TBC1D5: variants seen among roughly 807,000 people sequenced by gnomAD.
TBC1D5 encodes TBC1 domain family member 5, also known as TBC1 domain family, member 5.
TBC1D5 carries 75 observed loss-of-function variants against 100.3 expected under a neutral mutation model. The ratio of observed to expected loss-of-function variants is 0.75; its 90% CI spans 0.62 to 0.91. TBC1D5 has a LOEUF of 0.91. Ranked by LOEUF, TBC1D5 falls within the 40% of genes least tolerant of loss-of-function variation. TBC1D5 has a pLI of 0.00. For synonymous variants in TBC1D5, 323 were observed against 325.6 expected (o/e 0.99, Z 0.09); for missense variants, 910 against 942.4 (o/e 0.97, Z 0.45).
At chr3:17,403,314 T>A (rs920640949) in intron 7 of TBC1D5, 66 bp from the exon 8 acceptor site, 139 of 1,125,780 alleles carry the variant, frequency 1.2e-4, no homozygotes, top group Non-Finnish European at 1.6e-4. Context: ...TGATTTCAAT[T>A]TAATAATGTA....
chr3:17,619,948 A>G (rs1293225121), intron 2 of TBC1D5, among the ~76,000 whole-genome samples: 1 of 152,212 alleles, frequency 6.6e-6, no homozygotes, highest in Non-Finnish European at 1.5e-5. Context: ...TGCAAATTAA[A>G]TGTACCCAAA....
rs1188480520 is a variant in TBC1D5, at chr3:17,508,595, A to T, written c.-25T>A. ...TTGTGGGAACTGGACAGCGTCACCA[A>T]AAGTAACTACCTGGGAGGTGAAAAA... is the stretch of plus-strand genomic sequence containing the variant. On this transcript the variant is annotated 5_prime_UTR_variant, in exon 3 of 22. In the 5' UTR this introduces an upstream ATG that the reference lacks. Transcript: ENST00000253692. The T allele has an allele frequency of 6.5e-7, 1 of 1,537,864 alleles. No individual in the cohort carries two copies. The highest frequency in any genetic ancestry group is 9.0e-7 in the Non-Finnish European group (1 of 1,111,100).
At chr3:17,481,372 G>C (rs1446448219) in intron 3 of TBC1D5, among the ~76,000 whole-genome samples, 3 of 152,206 alleles carry the variant, frequency 2.0e-5, no homozygotes, top group Non-Finnish European at 4.4e-5. Context: ...CCAAGTGGAT[G>C]GAACAAGTCC....
intron 4 of TBC1D5, among the ~76,000 whole-genome samples, chr3:17,422,566 T>C (rs2094237483): frequency 6.6e-6 from 1 of 152,076 alleles, no homozygotes; most frequent in African/African-American, 2.4e-5. Flanking sequence ...AGAACCCAGA[T>C]TTCTGAATTT....
At chr3:17,678,886 T>C (rs780055665) in intron 1 of TBC1D5, among the ~76,000 whole-genome samples, 4 of 150,354 alleles carry the variant, frequency 2.7e-5, no homozygotes, top group Non-Finnish European at 5.9e-5. Flanking sequence ...AAAAAAAAAG[T>C]GGTGGACAAA....
At chr3:17,672,595 T>A (rs570141994) in intron 1 of TBC1D5, 1 of 152,204 alleles carries the variant, frequency 6.6e-6, no homozygotes, top group Non-Finnish European at 1.5e-5. Context: ...AAGATTTTTA[T>A]GTTTTTTTGT....
intron 2 of TBC1D5, among the ~76,000 whole-genome samples, chr3:17,525,706 G>A (rs893742856): frequency 6.7e-6 from 1 of 150,330 alleles, no homozygotes; most frequent in Non-Finnish European, 1.5e-5. Flanking sequence ...ACCCACACCT[G>A]TGTTCCCAAT....
At chr3:17,399,776 G>T (rs187721973) in intron 8 of TBC1D5, among the ~76,000 whole-genome samples, 1 of 152,064 alleles carries the variant, frequency 6.6e-6, no homozygotes, top group Non-Finnish European at 1.5e-5. Flanking sequence ...ACTTGCTCTA[G>T]CCGAACTGAC....
chr3:17,199,443 A>C (rs1439794301), intron 18 of TBC1D5, among the ~76,000 whole-genome samples: 1 of 152,240 alleles, frequency 6.6e-6, no homozygotes, highest in Admixed American at 6.5e-5. Context: ...CAAAAACATT[A>C]TTCTTGATAT....
At chr3:17,531,141 G>T (rs1191776843) in intron 2 of TBC1D5, among the ~76,000 whole-genome samples, 1 of 152,158 alleles carries the variant, frequency 6.6e-6, no homozygotes, top group Non-Finnish European at 1.5e-5. Flanking sequence ...GGAAGTCTCA[G>T]GATACAAAAT....
intron 1 of TBC1D5, among the ~76,000 whole-genome samples, chr3:17,642,403 T>C (rs895520417): frequency 2.4e-4 from 36 of 152,214 alleles, no homozygotes; most frequent in African/African-American, 8.4e-4. Flanking sequence ...CGATATTTTA[T>C]AGATGAAAAA....
At chr3:17,238,309 G>C (rs754281902) in exon 17 of TBC1D5, 1 of 1,614,024 alleles carries the variant, frequency 6.2e-7, no homozygotes, top group Admixed American at 1.7e-5. Flanking sequence ...TCCAGGTACA[G>C]GGCCACCTGC....
At chr3:17,729,016 T>TAAAAAAAAAAAAAAAAAA (rs34461809) in intron 1 of TBC1D5, among the ~76,000 whole-genome samples, 1 of 29,604 alleles carries the variant, frequency 3.4e-5, no homozygotes, top group Non-Finnish European at 6.8e-5. Context: ...TGAAAATCAG[T>TAAAAAAAAAAAAAAAAAA]AAAAAAAAAA....
intron 13 of TBC1D5, among the ~76,000 whole-genome samples, chr3:17,325,881 A>G (rs2151033714): frequency 6.6e-6 from 1 of 152,288 alleles, no homozygotes; most frequent in East Asian, 1.9e-4. Context: ...TTGACTTAAA[A>G]AAAATGACCT....
At position 17,221,763 on chromosome 3, in the gene TBC1D5, G is replaced by C. The variant is rs1308559686; in HGVS notation, c.1589-7393C>G. ...AAACAAGGAAACAGATTCTTCCTCA[G>C]AGCCTCCTGAAACCTTGACTTTAGC... On this transcript the variant is annotated intron_variant, in intron 17 of 21. Coordinates refer to ENST00000253692, the Ensembl canonical transcript of TBC1D5. Among the ~76,000 whole-genome samples the C allele has an allele frequency of 2.0e-5, 3 of 152,198 alleles. No homozygotes were observed. In the East Asian group the frequency reaches 5.8e-4, roughly 29 times the overall value.
At chr3:17,302,449 G>A (rs970537753) in intron 14 of TBC1D5, among the ~76,000 whole-genome samples, 1 of 152,080 alleles carries the variant, frequency 6.6e-6, no homozygotes, top group African/African-American at 2.4e-5. Flanking sequence ...GGTACTAGAA[G>A]TTAGGACTTC....
At chr3:17,724,339 C>T (rs1487378964) in intron 1 of TBC1D5, among the ~76,000 whole-genome samples, 1 of 152,144 alleles carries the variant, frequency 6.6e-6, no homozygotes, top group East Asian at 1.9e-4. Context: ...AAGCAATCCT[C>T]CCACCTCAGC....
exon 3 of TBC1D5, chr3:17,508,536 A>C: frequency 1.9e-6 from 3 of 1,613,782 alleles, no homozygotes; most frequent in African/African-American, 1.3e-5. Flanking sequence ...TTCTGGCTGC[A>C]GAGGATGTCT....
intron 16 of TBC1D5, among the ~76,000 whole-genome samples, chr3:17,241,720 C>A (rs914267008): frequency 6.6e-6 from 1 of 152,234 alleles, no homozygotes; most frequent in Non-Finnish European, 1.5e-5. Context: ...ACACTGGATT[C>A]TCTTCTAGTG....
Sources: gnomAD v4.1 joint callset for allele counts (sites outside exome capture counted in the v4.1 genomes callset) on GRCh38, gnomAD v4.1.1 for gene constraint, MANE v1.5 for transcripts, NCBI Gene and HGNC (gene_info 2026-07-23, HGNC 2026-07-21) for gene names.